Variants in PTPRQ observed in about 807,000 individuals in gnomAD.
The protein encoded by PTPRQ is protein tyrosine phosphatase receptor type Q, also known as phosphatidylinositol phosphatase PTPRQ.
In PTPRQ, 199 loss-of-function variants were observed where a neutral mutation model predicts 246.0. The observed-to-expected ratio is 0.81, with a 90% CI of 0.72 to 0.91. The LOEUF is 0.91. Among genes scored for constraint, PTPRQ ranks in the 40% least tolerant of loss-of-function variants. The pLI is 0.00. For missense variants in PTPRQ, 2,624 were observed against 2,528.4 expected, an observed-to-expected ratio of 1.04 and a Z score of -0.81; for synonymous variants, 869 against 853.2, an observed-to-expected ratio of 1.02 and a Z score of -0.32.
intron 9 of PTPRQ, among the ~76,000 whole-genome samples, chr12:80,486,973 G>A (rs1894297144): frequency 6.6e-6 from 1 of 152,104 alleles, no homozygotes; most frequent in Non-Finnish European, 1.5e-5. Context: ...AATTAAAAAT[G>A]AAAGTTCAAA....
chr12:80,593,380 G>A (rs1450540037), intron 26 of PTPRQ, among the ~76,000 whole-genome samples: 2 of 152,222 alleles, frequency 1.3e-5, no homozygotes, highest in East Asian at 3.9e-4. Flanking sequence ...ATAACAAAGA[G>A]CATCAAAATT....
chr12:80,590,171 A>G (rs1444923225), intron 26 of PTPRQ, among the ~76,000 whole-genome samples: 2 of 152,164 alleles, frequency 1.3e-5, no homozygotes, highest in Admixed American at 6.5e-5. Context: ...AGCAAATGAA[A>G]ATCCAGGCAC....
intron 17 of PTPRQ, among the ~76,000 whole-genome samples, chr12:80,532,587 A>G (rs1895875738): frequency 6.6e-6 from 1 of 152,158 alleles, no homozygotes; most frequent in Admixed American, 6.6e-5. Flanking sequence ...ACCTGTGACC[A>G]ATGATAAGAG....
chr12:80,488,169 T>C (rs1894338577), intron 9 of PTPRQ, among the ~76,000 whole-genome samples: 1 of 151,650 alleles, frequency 6.6e-6, no homozygotes, highest in African/African-American at 2.4e-5. Flanking sequence ...GAAGGGTCTA[T>C]ATAATGTGAT....
chr12:80,464,063 C>T (rs1592536469), intron 6 of PTPRQ, among the ~76,000 whole-genome samples: 1 of 151,908 alleles, frequency 6.6e-6, no homozygotes, highest in Admixed American at 6.6e-5. Flanking sequence ...AATTAAAAGA[C>T]ACAGACTGGC....
intron 26 of PTPRQ, among the ~76,000 whole-genome samples, chr12:80,598,494 G>A (rs1221903018): frequency 6.6e-6 from 1 of 152,064 alleles, no homozygotes; most frequent in Admixed American, 6.6e-5. Context: ...TAAGACACAG[G>A]AATCCACCAG....
intron 3 of PTPRQ, chr12:80,454,521 A>G (rs1430344810): frequency 1.0e-5 from 7 of 702,346 alleles, no homozygotes; most frequent in Admixed American, 2.0e-5. Flanking sequence ...AGGATTGGTG[A>G]GAGTAGACAT....
At chr12:80,566,609 A>G (rs1896987214) in intron 25 of PTPRQ, among the ~76,000 whole-genome samples, 1 of 152,106 alleles carries the variant, frequency 6.6e-6, no homozygotes, top group Non-Finnish European at 1.5e-5. Flanking sequence ...GCACCATCAC[A>G]GCTCACTGCA....
intron 3 of PTPRQ, among the ~76,000 whole-genome samples, chr12:80,449,364 A>G (rs567568656): frequency 9.1e-4 from 138 of 152,180 alleles, no homozygotes; most frequent in African/African-American, 3.3e-3. Context: ...TGCTGTGCAG[A>G]AGCTCTTTAG....
At chr12:80,601,338 A>G (rs185922996) in intron 26 of PTPRQ, among the ~76,000 whole-genome samples, 1 of 151,866 alleles carries the variant, frequency 6.6e-6, no homozygotes, top group East Asian at 2.0e-4. Context: ...CTGGCATGCC[A>G]TAGGTGTTCA....
At chr12:80,563,121 A>G (rs1178195836) in intron 25 of PTPRQ, among the ~76,000 whole-genome samples, 2 of 152,218 alleles carry the variant, frequency 1.3e-5, no homozygotes. Context: ...CATTAAGTGT[A>G]TAATGGTTTC....
In PTPRQ at chr12:80,669,366, G is replaced by A. The variant is rs1565851185; in HGVS notation, c.6355G>A (p.Asp2119Asn). 6 of 1,549,542 alleles carry A rather than the reference G, an allele frequency of 3.9e-6. No individual in the cohort carries two copies. Among genetic ancestry groups the A allele is most frequent in the Admixed American group, 2.0e-5 (1 of 50,832 alleles). ...CAGATGCCATCAGTATTGGCCAGAG[G>A]ACAACAAGCCAGTTACTGTCTTTGG... ...RIRCHQYWPEDNKPVTVFGDI... is the reference protein window; with the variant it reads ...RIRCHQYWPENNKPVTVFGDI... Residue 2119 changes from aspartate to asparagine, a missense_variant, in exon 41 of 45, where the codon GAC becomes AAC. By Grantham distance (23) the Asp-to-Asn change is conservative. Coordinates refer to ENST00000644991, the MANE Select transcript of PTPRQ (RefSeq NM_001145026.2).
chr12:80,445,745 T>A (rs972284793), intron 3 of PTPRQ, 28 bp downstream of exon 3: 1 of 1,364,472 alleles, frequency 7.3e-7, no homozygotes. Flanking sequence ...GACTACTTAG[T>A]GTTCAAACAT....
At position 80,642,918 on chromosome 12, in the gene PTPRQ, TTAAAA is replaced by T. The variant is rs1317030886; in HGVS notation, c.5916-5978_5916-5974del. 4.5e-4 allele frequency among the ~76,000 whole-genome samples: 31 copies of T among 69,390 alleles called. 1 individual carries two copies. The highest frequency in any genetic ancestry group is 1.6e-4 in the Admixed American group (1 of 6,438). 45.5% of individuals were successfully genotyped at this position (69,390 alleles called of 152,430 possible). ...CTGGGCGACAGAGCGAGACTCCGTC[TTAAAA>T]AAAAAAAAAAAAAAAAAAAAAAACA... On this transcript the variant is annotated intron_variant, in intron 35 of 44. Coordinates refer to ENST00000644991, the MANE Select transcript of PTPRQ (RefSeq NM_001145026.2).
chr12:80,658,900 T>G (rs1900536550), intron 39 of PTPRQ, among the ~76,000 whole-genome samples: 1 of 152,070 alleles, frequency 6.6e-6, no homozygotes, highest in African/African-American at 2.4e-5. Flanking sequence ...ATTAAGGCTC[T>G]TGTTATATGA....
chr12:80,646,311 C>A (rs1257266520), intron 35 of PTPRQ, among the ~76,000 whole-genome samples: 3 of 152,112 alleles, frequency 2.0e-5, no homozygotes, highest in Non-Finnish European at 4.4e-5. Flanking sequence ...AAGTATTGCA[C>A]ATGATAATAT....
At chr12:80,528,300 A>G (rs1769547628) in intron 17 of PTPRQ, among the ~76,000 whole-genome samples, 3 of 152,234 alleles carry the variant, frequency 2.0e-5, no homozygotes, top group African/African-American at 4.8e-5. Context: ...GAAGTATTTT[A>G]CTCAAATTTT....
chr12:80,550,551 T>G (rs1896444053), intron 25 of PTPRQ, among the ~76,000 whole-genome samples: 3 of 152,144 alleles, frequency 2.0e-5, no homozygotes, highest in African/African-American at 7.2e-5. Flanking sequence ...TGTTTCCCTT[T>G]CCAGGATGGA....
chr12:80,472,134 C>A lies in PTPRQ; in HGVS notation c.1069C>A (p.Leu357Ile), dbSNP rs1280472585. 1.3e-6 allele frequency: 2 copies of A among 1,551,196 alleles called. No homozygotes were observed. The highest frequency in any genetic ancestry group is 2.7e-5 in the African/African-American group (2 of 73,020). ...GRILDNSTKDLKFAFTNLTPF... is the reference protein window; with the variant it reads ...GRILDNSTKDIKFAFTNLTPF... ...CATTTTGGATAACAGCACAAAAGAC[C>A]TCAAGTTTGCATTCACTAACCTAAC... is the stretch of plus-strand genomic sequence containing the variant. The change falls in exon 8 of 45, where the codon CTC becomes ATC. Residue 357 changes from leucine to isoleucine, a missense_variant. Transcript: ENST00000644991.
Sources: allele counts gnomAD v4.1 joint callset (sites outside exome capture counted in the v4.1 genomes callset), GRCh38; gene constraint gnomAD v4.1.1; transcripts MANE v1.5; gene names NCBI Gene and HGNC (gene_info 2026-07-23, HGNC 2026-07-21).